Variants in CSPG4 observed in about 807,000 individuals in gnomAD.
CSPG4 encodes chondroitin sulfate proteoglycan 4, also known as chondroitin sulfate proteoglycan 4 (melanoma-associated).
In CSPG4, 74 loss-of-function variants were observed where a neutral mutation model predicts 139.3. That is an observed-to-expected ratio of 0.53 (90% CI 0.44 to 0.64). The LOEUF (loss-of-function observed/expected upper bound fraction) is 0.64. Ranked by LOEUF, CSPG4 falls within the 30% of genes least tolerant of loss-of-function variation. The probability of loss-of-function intolerance (pLI) is 0.00; values close to 1 mark genes in which losing one functional copy is unlikely to be tolerated. For missense variants in CSPG4, 2,565 were observed against 3,148.3 expected (o/e 0.81, Z 4.43); for synonymous variants, 1,234 against 1,394.2 (o/e 0.89, Z 2.56).
At chr15:75,704,478 G>A (rs1894344087) in intron 1 of CSPG4, among the ~76,000 whole-genome samples, 1 of 152,232 alleles carries the variant, frequency 6.6e-6, no homozygotes, top group Admixed American at 6.5e-5. Flanking sequence ...GCCCAGAGAT[G>A]GAACCTTGGC....
rs1334726123 is a variant in CSPG4 at position 75,689,824 on chromosome 15, G to A, written c.1241C>T (p.Pro414Leu). Residue 414 changes from proline to leucine, a missense_variant, in exon 3 of 10, where the codon CCA becomes CTA. This residue lies in a region of CSPG4 where 2,316 missense variants were observed against 2,818.2 expected (regional missense o/e 0.82). Coordinates refer to ENST00000308508, the MANE Select transcript of CSPG4 (RefSeq NM_001897.5). ...EAWPAMELPE[P>L]CVPEPGLPPV... Reference sequence around the variant, plus strand: ...AGGCAGCCCTGGCTCAGGCACGCATGGCTCAGGCAGCTCCATGGCTGGCCA... The same window carrying A: ...AGGCAGCCCTGGCTCAGGCACGCATAGCTCAGGCAGCTCCATGGCTGGCCA... 6.2e-7 allele frequency: 1 copy of A among 1,612,612 alleles called. No homozygotes were observed. The highest frequency in any genetic ancestry group is 8.5e-7 in the Non-Finnish European group (1 of 1,179,748).
chr15:75,683,457 C>A, intron 5 of CSPG4, among the ~76,000 whole-genome samples: 2 of 152,286 alleles, frequency 1.3e-5, no homozygotes, highest in South Asian at 4.1e-4. Flanking sequence ...TGTGCCTGGC[C>A]GGGGCCGGGC....
intron 8 of CSPG4, chr15:75,678,854 G>T (rs1448179034): frequency 2.2e-6 from 1 of 453,662 alleles, no homozygotes; most frequent in African/African-American, 2.0e-5. Context: ...TGGATCCAGC[G>T]GTCGGCTCTC....
intron 9 of CSPG4, 143 bp downstream of exon 9, chr15:75,677,560 A>G: frequency 8.3e-7 from 1 of 1,203,742 alleles, no homozygotes; most frequent in African/African-American, 1.5e-5. Flanking sequence ...TGTGATGTCA[A>G]AGCTTCCCCA....
intron 1 of CSPG4, among the ~76,000 whole-genome samples, chr15:75,701,109 C>T (rs769085370): frequency 6.6e-6 from 1 of 152,218 alleles, no homozygotes; most frequent in African/African-American, 2.4e-5. Flanking sequence ...ACCAGCCCAG[C>T]AGACTGGCAA....
At chr15:75,712,906 C>T (rs182527515), upstream of CSPG4, 258 of 588,530 alleles carry the variant, frequency 4.4e-4, 1 homozygote, top group East Asian at 7.4e-3. Flanking sequence ...CGCAGACCCG[C>T]GCGCCCGCTC....
upstream of CSPG4, among the ~76,000 whole-genome samples, chr15:75,713,066 T>C (rs1247976879): frequency 1.3e-5 from 2 of 152,100 alleles, no homozygotes; most frequent in African/African-American, 4.8e-5. Flanking sequence ...AACAAAGTCA[T>C]AGAGAGGCCC....
Position 75,682,918 on chromosome 15 carries a change from C to G in CSPG4, c.4573G>C (p.Gly1525Arg). The G allele has an allele frequency of 6.2e-7, 1 of 1,611,066 alleles. No homozygotes were observed. The highest frequency in any genetic ancestry group is 8.5e-7 in the Non-Finnish European group (1 of 1,179,650). ...CTGCGCACCTCAGTGCCCGGCGCCC[C>G]CCGCAGCACTACCCGCCCGTTGCTG... ...QPSNGRVVLR[G>R]APGTEVRSFT... Residue 1525 changes from glycine to arginine, a missense_variant, in exon 6 of 10, where the codon GGG becomes CGG. Transcript: ENST00000308508.
In CSPG4 at chr15:75,676,961, C is replaced by T. The variant is rs1039303497; in HGVS notation, c.5558G>A (p.Arg1853Gln). The T allele has an allele frequency of 1.0e-5, 15 of 1,506,524 alleles. No individual in the cohort carries two copies. Among genetic ancestry groups the T allele is most frequent in the South Asian group, 2.5e-5 (2 of 78,544 alleles). The allele number at this position is 1,506,524 out of a possible 1,614,324, so 93.3% of individuals were successfully genotyped here. ...TGGGTCCACCACACTCAGCTGGGCC[C>T]GGGAGATGGGGGCACGAGAGCCTCG... is the stretch of plus-strand genomic sequence containing the variant. The part of the protein sequence containing the change: ...LTRGSRAPIS[R>Q]AQLSVVDPDS... Residue 1853 changes from arginine (R) to glutamine (Q), a missense_variant, in exon 10 of 10, where the codon CGG (arginine) becomes CAG (glutamine). Arg to Gln is a conservative substitution (Grantham distance 43). Transcript: ENST00000308508.
Position 75,677,047 on chromosome 15 carries a change from C to T in CSPG4, c.5472G>A (p.Thr1824=), listed in dbSNP as rs764391169. The part of the protein sequence containing the change: ...GPQTSEAFAI[T]VRDVNERPPQ... ...GGGGCCGCTCATTTACATCCCTCAC[C>T]GTGATGGCAAAGGCCTCTGAGGTTT... is the stretch of plus-strand genomic sequence containing the variant. The change falls in exon 10 of 10, where the codon ACG becomes ACA. Residue 1824 remains threonine (T), a synonymous_variant. Coordinates refer to ENST00000308508, the MANE Select transcript of CSPG4 (RefSeq NM_001897.5). 54 of 1,424,660 alleles carry T rather than the reference C, an allele frequency of 3.8e-5. No individual in the cohort carries two copies. Among genetic ancestry groups the T allele is most frequent in the Middle Eastern group, 3.8e-4 (2 of 5,266 alleles). 88.3% of individuals were successfully genotyped at this position (1,424,660 alleles called of 1,614,324 possible).
At chr15:75,692,499 C>G (rs965809762) in intron 2 of CSPG4, among the ~76,000 whole-genome samples, 4 of 152,244 alleles carry the variant, frequency 2.6e-5, no homozygotes, top group Non-Finnish European at 5.9e-5. Context: ...CACAAGACTC[C>G]TTGCTAACAA....
At chr15:75,712,888 G>A, upstream of CSPG4, 2 of 695,266 alleles carry the variant, frequency 2.9e-6, no homozygotes, top group South Asian at 2.1e-5. Context: ...CTCCGGGGGC[G>A]GGGCAGGCGC....
At chr15:75,680,704 G>T (rs1340463951) in intron 8 of CSPG4, 3 of 153,674 alleles carry the variant, frequency 2.0e-5, no homozygotes, top group African/African-American at 7.2e-5. Flanking sequence ...GCAGGCAGAA[G>T]TTTTGCCTCT....
chr15:75,705,258 A>C (rs1894355531), intron 1 of CSPG4, among the ~76,000 whole-genome samples: 1 of 152,104 alleles, frequency 6.6e-6, no homozygotes, highest in South Asian at 2.1e-4. Context: ...CTGGGCTGGC[A>C]GGCAGCCGCT....
chr15:75,692,775 G>A (rs1196113039), intron 2 of CSPG4, among the ~76,000 whole-genome samples: 1 of 152,190 alleles, frequency 6.6e-6, no homozygotes, highest in African/African-American at 2.4e-5. Flanking sequence ...TCAAGAGCCT[G>A]GCAGCAAGCG....
intron 1 of CSPG4, among the ~76,000 whole-genome samples, chr15:75,705,595 A>T (rs1894359018): frequency 6.6e-6 from 1 of 152,244 alleles, no homozygotes; most frequent in Admixed American, 6.5e-5. Context: ...CACTTGCCCA[A>T]GGTCATGCAT....
rs760672213 is a variant in CSPG4, at chr15:75,689,097, C to A, written c.1968G>T (p.Val656=). The change falls in exon 3 of 10, where the codon GTG becomes GTT. Residue 656 remains valine (V), a synonymous_variant. Transcript: ENST00000308508. ...TCTGTATGGCCGGCCGGATGGCCAC[C>A]ACCTTCAGCGTGGCCGGGGGGCTGG... ...LQASPPATLK[V]VAIRPAIQIH... The A allele has an allele frequency of 8.1e-6, 13 of 1,605,686 alleles. No individual in the cohort carries two copies. Among genetic ancestry groups the A allele is most frequent in the Non-Finnish European group, 1.1e-5 (13 of 1,176,374 alleles).
chr15:75,709,340 G>A (rs894357133), intron 1 of CSPG4, among the ~76,000 whole-genome samples: 1 of 152,148 alleles, frequency 6.6e-6, no homozygotes, highest in Non-Finnish European at 1.5e-5. Flanking sequence ...AGGAGAGCTG[G>A]ATGGGGCGGG....
At chr15:75,681,602 C>T (rs763653265) in intron 8 of CSPG4, among the ~76,000 whole-genome samples, 4 of 152,222 alleles carry the variant, frequency 2.6e-5, no homozygotes, top group Non-Finnish European at 4.4e-5. Flanking sequence ...GAGTCTGCCC[C>T]GCTCTGCCCT....
Sources: gnomAD v4.1 joint callset for allele counts (sites outside exome capture counted in the v4.1 genomes callset) on GRCh38, gnomAD v4.1.1 for gene constraint, gnomAD v4.1.1 regional missense constraint, MANE v1.5 for transcripts, NCBI Gene and HGNC (gene_info 2026-07-23, HGNC 2026-07-21) for gene names.